The following RASSF8 variants were observed in gnomAD, a reference collection of about 807,000 sequenced individuals.
The protein encoded by RASSF8 is ras association domain-containing protein 8.
RASSF8 carries 22 observed loss-of-function variants against 48.5 expected under a neutral mutation model. The ratio of observed to expected loss-of-function variants is 0.45; its 90% CI spans 0.32 to 0.65. The LOEUF (loss-of-function observed/expected upper bound fraction) is 0.65, where lower values mean the gene tolerates loss of function less well. RASSF8 is among the 30% of genes least tolerant of loss of function. The probability of loss-of-function intolerance (pLI) is 0.03; values close to 1 mark genes in which losing one functional copy is unlikely to be tolerated. For synonymous variants in RASSF8, 127 were observed against 171.5 expected, an observed-to-expected ratio of 0.74 and a Z score of 2.03; for missense variants, 418 against 489.2, an observed-to-expected ratio of 0.85 and a Z score of 1.37.
chr12:26,072,704 C>T lies in RASSF8; in HGVS notation c.*3886C>T. 1.0e-6 allele frequency: 1 copy of T among 983,444 alleles called. No homozygotes were observed. Among genetic ancestry groups the T allele is most frequent in the Non-Finnish European group, 1.2e-6 (1 of 828,154 alleles). 60.9% of individuals were successfully genotyped at this position (983,444 alleles called of 1,614,324 possible). ...TGAGCACATAAATATGCTTTTAGTA[C>T]TGCTTTGCTTATGTACAAATAAATC... On this transcript the variant is annotated 3_prime_UTR_variant, in exon 6 of 6. Transcript: ENST00000689635.
intron 1 of RASSF8, chr12:25,973,994 G>A (rs923209845): frequency 1.3e-5 from 2 of 152,110 alleles, no homozygotes; most frequent in Admixed American, 6.5e-5. Context: ...AGAGAAGGGT[G>A]TTATTAGGAA....
chr12:26,044,519 T>C (rs1258306300), intron 2 of RASSF8, among the ~76,000 whole-genome samples: 2 of 152,184 alleles, frequency 1.3e-5, no homozygotes, highest in Non-Finnish European at 2.9e-5. Flanking sequence ...ATATTATCAA[T>C]GTACTGTAGG....
At chr12:25,965,322 G>A (rs1010373956) in intron 1 of RASSF8, among the ~76,000 whole-genome samples, 3 of 147,476 alleles carry the variant, frequency 2.0e-5, no homozygotes, top group Non-Finnish European at 4.5e-5. Flanking sequence ...TTTGATCTAT[G>A]TATACACATG....
rs569473533 is a variant in RASSF8, at chr12:26,009,088, A to G, written c.-109+13958A>G. Among the ~76,000 whole-genome samples, 13 of 152,330 alleles carry G rather than the reference A, an allele frequency of 8.5e-5. No homozygotes were observed. The East Asian group carries it at 2.1e-3, about 25-fold the overall frequency. ...GCAGCATTCCCAAGTTTCAAGTTAT[A>G]TGATGCTTAGCTGCCAGCTATCATA... On this transcript the variant is annotated intron_variant, in intron 2 of 5. Transcript: ENST00000689635.
chr12:26,031,128 G>A (rs1189831529), intron 2 of RASSF8, among the ~76,000 whole-genome samples: 1 of 152,024 alleles, frequency 6.6e-6, no homozygotes. Context: ...AATCAAATAA[G>A]CTTTATTTTA....
chr12:26,070,091 T>C lies in RASSF8; in HGVS notation c.*1273T>C, dbSNP rs1255914322. 2.0e-6 allele frequency: 2 copies of C among 980,858 alleles called. No individual in the cohort carries two copies. The highest frequency in any genetic ancestry group is 3.5e-5 in the African/African-American group (2 of 57,108). 60.8% of individuals were successfully genotyped at this position (980,858 alleles called of 1,614,324 possible). ...TTCAGTCAGACACCACTTAGCCATT[T>C]TTACATTCCCTCTGGTTAGATTTGG... is the stretch of plus-strand genomic sequence containing the variant. On this transcript the variant is annotated 3_prime_UTR_variant, in exon 6 of 6. Coordinates refer to ENST00000689635, the MANE Select transcript of RASSF8 (RefSeq NM_001394098.1).
chr12:26,071,147 G>A lies in RASSF8; in HGVS notation c.*2329G>A. On this transcript the variant is annotated 3_prime_UTR_variant, in exon 6 of 6. Transcript: ENST00000689635. ...CTTTTTAATTAGTTATATTACTTCT[G>A]GAAGCACATATCTAAGGAATATTTT... 1.0e-6 allele frequency: 1 copy of A among 974,196 alleles called. No homozygotes were observed. The highest frequency in any genetic ancestry group is 1.2e-6 in the Non-Finnish European group (1 of 819,812). The allele number at this position is 974,196 out of a possible 1,614,324, so 60.3% of individuals were successfully genotyped here. A position where few individuals can be genotyped will look rare whatever the true frequency, so the allele number is the denominator to read the frequency against.
At chr12:26,023,916 G>A (rs1942845561) in intron 2 of RASSF8, among the ~76,000 whole-genome samples, 1 of 152,158 alleles carries the variant, frequency 6.6e-6, no homozygotes. Context: ...TAAATCCACA[G>A]GAAGAAATGA....
At chr12:25,982,079 CTT>C (rs1207377670) in intron 1 of RASSF8, among the ~76,000 whole-genome samples, 1 of 151,194 alleles carries the variant, frequency 6.6e-6, no homozygotes, top group Admixed American at 6.6e-5. Flanking sequence ...GCAGGTGGAT[CTT>C]TTTTTTTAGA....
chr12:25,964,929 CTTTA>C (rs1941322067), intron 1 of RASSF8, among the ~76,000 whole-genome samples: 2 of 151,658 alleles, frequency 1.3e-5, no homozygotes, highest in Admixed American at 1.3e-4. Flanking sequence ...TTTTAAACAG[CTTTA>C]TTTAATTAAT....
intron 1 of RASSF8, among the ~76,000 whole-genome samples, chr12:25,968,670 T>C (rs898039483): frequency 6.6e-6 from 1 of 152,300 alleles, no homozygotes; most frequent in East Asian, 1.9e-4. Context: ...TAGTTGTTCA[T>C]TCAAAGCCAA....
At chr12:26,039,380 T>TA (rs1943217997) in intron 2 of RASSF8, among the ~76,000 whole-genome samples, 1 of 151,842 alleles carries the variant, frequency 6.6e-6, no homozygotes, top group South Asian at 2.1e-4. Flanking sequence ...GGCTGGGTGT[T>TA]AGAGGGTGGA....
At chr12:26,015,119 G>C (rs1056784755) in intron 2 of RASSF8, among the ~76,000 whole-genome samples, 2 of 151,868 alleles carry the variant, frequency 1.3e-5, no homozygotes, top group Non-Finnish European at 2.9e-5. Context: ...AGAGGTGGGA[G>C]GATCATAAGC....
intron 2 of RASSF8, among the ~76,000 whole-genome samples, chr12:26,054,598 C>T (rs1226424942): frequency 6.6e-6 from 1 of 151,920 alleles, no homozygotes; most frequent in Non-Finnish European, 1.5e-5. Context: ...GGCATTTCAG[C>T]GGGAAGACAC....
chr12:25,980,884 TCTCC>T (rs1271918862), intron 1 of RASSF8, among the ~76,000 whole-genome samples: 17 of 152,314 alleles, frequency 1.1e-4, no homozygotes, highest in Admixed American at 4.6e-4. Context: ...TATCATCCTG[TCTCC>T]TTTAACAAAA....
chr12:25,999,329 A>G (rs1222963316), intron 2 of RASSF8, among the ~76,000 whole-genome samples: 3 of 152,204 alleles, frequency 2.0e-5, no homozygotes, highest in Non-Finnish European at 2.9e-5. Context: ...AGCACTTTCT[A>G]TGGGAAGTAT....
intron 2 of RASSF8, among the ~76,000 whole-genome samples, chr12:26,046,945 A>G (rs1330907151): frequency 6.6e-6 from 1 of 152,234 alleles, no homozygotes; most frequent in African/African-American, 2.4e-5. Context: ...AAAGAAAGCC[A>G]TGAAATAGCA....
intron 1 of RASSF8, among the ~76,000 whole-genome samples, chr12:25,977,486 T>A (rs1941635253): frequency 6.6e-6 from 1 of 152,156 alleles, no homozygotes; most frequent in African/African-American, 2.4e-5. Flanking sequence ...ATTTTGATTT[T>A]TTTTTTCTGG....
Position 26,046,899 on chromosome 12 carries a change from G to T in RASSF8, c.-108-8337G>T, listed in dbSNP as rs139224720. Reference sequence around the variant, plus strand: ...ACTAATTTTGTTTTTCCATAGGAGTGTATTATACTCACTGTCAGTTTTCTC... The same window carrying T: ...ACTAATTTTGTTTTTCCATAGGAGTTTATTATACTCACTGTCAGTTTTCTC... On this transcript the variant is annotated intron_variant, in intron 2 of 5. Transcript: ENST00000689635. 1.2e-3 allele frequency among the ~76,000 whole-genome samples: 182 copies of T among 152,278 alleles called. 2 individuals are homozygous for T. The highest frequency in any genetic ancestry group is 9.6e-4 in the East Asian group (5 of 5,182).
Sources: gnomAD v4.1 joint callset for allele counts (sites outside exome capture counted in the v4.1 genomes callset) on GRCh38, gnomAD v4.1.1 for gene constraint, MANE v1.5 for transcripts, NCBI Gene and HGNC (gene_info 2026-07-23, HGNC 2026-07-21) for gene names.